ADAM2: variants seen among roughly 807,000 people sequenced by gnomAD.
The protein encoded by ADAM2 is ADAM metallopeptidase domain 2.
ADAM2 carries 101 observed loss-of-function variants against 99.3 expected under a neutral mutation model. The ratio of observed to expected loss-of-function variants is 1.02; its 90% CI spans 0.87 to 1.20. ADAM2 has a LOEUF of 1.20. Among genes scored for constraint, ADAM2 ranks in the 50% most tolerant of loss-of-function variants. The pLI is 0.00. For missense variants in ADAM2, 948 were observed against 878.7 expected (o/e 1.08, Z -1.00); for synonymous variants, 323 against 287.6 (o/e 1.12, Z -1.25).
At chr8:39,770,330 A>G (rs979862967) in intron 11 of ADAM2, among the ~76,000 whole-genome samples, 1 of 152,194 alleles carries the variant, frequency 6.6e-6, no homozygotes, top group African/African-American at 2.4e-5. Flanking sequence ...GTCTATGCCC[A>G]ATAGCTCCGA....
At position 39,837,168 on chromosome 8, in the gene ADAM2, G is replaced by A. The variant is rs145304406; in HGVS notation, c.100C>T (p.Arg34Trp). The change falls in exon 2 of 21, where the codon CGG becomes TGG. Residue 34 changes from arginine to tryptophan, a missense_variant. Physicochemically the swap from Arg to Trp is moderately radical, Grantham distance 101 (BLOSUM62 -3). Transcript: ENST00000265708. The stretch of plus-strand genomic sequence containing the variant: ...TCAATTCCTTCCTTTATTATTGACC[G>A]TATTTTCTCCGGAACTGTAATTTGC... Reference protein sequence around the residue: ...PVQITVPEKIRSIIKEGIESQ... With the variant: ...PVQITVPEKIWSIIKEGIESQ... The A allele has an allele frequency of 3.9e-4, 624 of 1,608,484 alleles. 2 individuals carry two copies. The African/African-American group carries it at 7.4e-3, about 19-fold the overall frequency.
intron 10 of ADAM2, among the ~76,000 whole-genome samples, chr8:39,779,704 A>C (rs573241343): frequency 6.6e-6 from 1 of 152,186 alleles, no homozygotes; most frequent in Non-Finnish European, 1.5e-5. Context: ...TTTTCAAATA[A>C]TAACAGCAAC....
At position 39,744,869 on chromosome 8, in the gene ADAM2, A is replaced by G; in HGVS notation, c.2199T>C (p.Pro733=). The G allele has an allele frequency of 6.2e-7, 1 of 1,603,104 alleles. No individual in the cohort carries two copies. The highest frequency in any genetic ancestry group is 8.5e-7 in the Non-Finnish European group (1 of 1,175,000). ...SDEQPESESE[P]KG is the part of the protein sequence containing the mutation. ...ATCTCTGTTGTCCAGACTACCCTTT[A>G]GGTTCACTCTCACTTTCAGGTTGCC... The change falls in exon 20 of 21, where the codon CCT becomes CCC. Residue 733 remains proline, a synonymous_variant. Transcript: ENST00000265708.
intron 18 of ADAM2, among the ~76,000 whole-genome samples, chr8:39,748,626 A>G (rs1414922200): frequency 6.6e-6 from 1 of 152,122 alleles, no homozygotes; most frequent in Non-Finnish European, 1.5e-5. Context: ...GGCTTTCTCT[A>G]AAATTCATCT....
At chr8:39,748,033 C>T (rs1823546369) in intron 18 of ADAM2, among the ~76,000 whole-genome samples, 1 of 152,076 alleles carries the variant, frequency 6.6e-6, no homozygotes, top group African/African-American at 2.4e-5. Context: ...GGCTTAGTAA[C>T]TTAAAACACT....
intron 15 of ADAM2, among the ~76,000 whole-genome samples, chr8:39,760,477 T>C (rs1248433915): frequency 1.3e-5 from 2 of 152,060 alleles, no homozygotes; most frequent in African/African-American, 4.8e-5. Context: ...ATCCCAGCAT[T>C]TTGGGAGGCC....
At chr8:39,783,566 C>T (rs548093118) in intron 10 of ADAM2, among the ~76,000 whole-genome samples, 2 of 152,252 alleles carry the variant, frequency 1.3e-5, no homozygotes, top group African/African-American at 4.8e-5. Context: ...ACTCCAAATT[C>T]TTATGCTGAA....
chr8:39,779,009 T>G (rs1197755678), intron 10 of ADAM2, among the ~76,000 whole-genome samples: 1 of 147,654 alleles, frequency 6.8e-6, no homozygotes, highest in African/African-American at 2.5e-5. Flanking sequence ...AAAAGCAGGG[T>G]TTTTTTTTTC....
At chr8:39,767,537 C>T (rs1315787676) in intron 12 of ADAM2, among the ~76,000 whole-genome samples, 1 of 152,162 alleles carries the variant, frequency 6.6e-6, no homozygotes, top group Non-Finnish European at 1.5e-5. Context: ...CTGAGAAGAG[C>T]TCTGGCTCTT....
intron 12 of ADAM2, among the ~76,000 whole-genome samples, chr8:39,768,515 C>G (rs111280618): frequency 2.0e-5 from 3 of 152,168 alleles, no homozygotes; most frequent in African/African-American, 7.2e-5. Flanking sequence ...AGAAAACTAG[C>G]TCTTCTTAAT....
intron 16 of ADAM2, 22 bp downstream of exon 16, chr8:39,755,706 T>A (rs199862687): frequency 6.3e-7 from 1 of 1,576,110 alleles, no homozygotes; most frequent in African/African-American, 1.4e-5. Flanking sequence ...AGGAAATTAT[T>A]TGGGAATAAA....
Position 39,821,650 on chromosome 8 carries a change from AG to A in ADAM2, c.279del (p.Tyr94ThrfsTer13). 1 of 1,603,002 alleles carries A rather than the reference AG, an allele frequency of 6.2e-7. No homozygotes were observed. The highest frequency in any genetic ancestry group is 8.5e-7 in the Non-Finnish European group (1 of 1,170,692). The stretch of plus-strand genomic sequence containing the variant: ...GGATAACCTTCAATATACCCTTGGT[AG>A]TGGCAGAAATTCTGAAAGATAAAAT... ...PLDQDFQNFC[H>X]YQGYIEGYPK... On this transcript the variant is annotated frameshift_variant, in exon 5 of 21. Transcript: ENST00000265708. LOFTEE classifies it high-confidence loss of function.
intron 4 of ADAM2, among the ~76,000 whole-genome samples, chr8:39,822,229 A>G (rs1805220492): frequency 6.6e-6 from 1 of 152,130 alleles, no homozygotes; most frequent in African/African-American, 2.4e-5. Flanking sequence ...ACTTTATATA[A>G]TGAAGGTAAA....
chr8:39,805,460 G>C (rs1804397813), intron 7 of ADAM2, among the ~76,000 whole-genome samples: 1 of 152,088 alleles, frequency 6.6e-6, no homozygotes, highest in Admixed American at 6.6e-5. Context: ...CAAATCCTTT[G>C]CACAATAAAC....
chr8:39,814,839 G>T (rs1482451799), intron 6 of ADAM2, among the ~76,000 whole-genome samples: 1 of 150,084 alleles, frequency 6.7e-6, no homozygotes, highest in African/African-American at 2.4e-5. Context: ...ATATATATAT[G>T]ATATATATGT....
At chr8:39,824,735 T>G in intron 4 of ADAM2, 84 bp downstream of exon 4, 1 of 764,944 alleles carries the variant, frequency 1.3e-6, no homozygotes, top group Non-Finnish European at 2.3e-6. Flanking sequence ...CCCAACACTT[T>G]AGACTCTAAT....
At chr8:39,802,725 T>A (rs556773311) in intron 7 of ADAM2, among the ~76,000 whole-genome samples, 3 of 152,196 alleles carry the variant, frequency 2.0e-5, no homozygotes, top group Admixed American at 6.5e-5. Flanking sequence ...AGGCACCTGG[T>A]GCTATAACCA....
At chr8:39,832,780 AT>A (rs1013527818) in intron 3 of ADAM2, among the ~76,000 whole-genome samples, 6 of 151,726 alleles carry the variant, frequency 4.0e-5, no homozygotes, top group Non-Finnish European at 7.4e-5. Flanking sequence ...TTAGTATGTG[AT>A]TTTTTTTCTT....
At chr8:39,757,848 T>C (rs916649856) in intron 15 of ADAM2, among the ~76,000 whole-genome samples, 1 of 152,068 alleles carries the variant, frequency 6.6e-6, no homozygotes, top group African/African-American at 2.4e-5. Context: ...AAGTAAAATA[T>C]AACATAGAGG....
Sources: allele counts gnomAD v4.1 joint callset (sites outside exome capture counted in the v4.1 genomes callset), GRCh38; gene constraint gnomAD v4.1.1; transcripts MANE v1.5; gene names NCBI Gene and HGNC (gene_info 2026-07-23, HGNC 2026-07-21).